The following CLASP1 variants were observed in gnomAD, a reference collection of about 807,000 sequenced individuals.
CLASP1 encodes the protein CLIP-associating protein 1.
In CLASP1, 38 loss-of-function variants were observed where a neutral mutation model predicts 192.3. That is an observed-to-expected ratio of 0.20 (90% CI 0.15 to 0.26). The LOEUF (loss-of-function observed/expected upper bound fraction) is 0.26. Ranked by LOEUF, CLASP1 falls within the 10% of genes least tolerant of loss-of-function variation. The pLI, the probability that CLASP1 is intolerant of heterozygous loss-of-function variation, is 1.00. For missense variants in CLASP1, 1,433 were observed against 1,932.5 expected (o/e 0.74, Z 4.85); for synonymous variants, 691 against 712.8 (o/e 0.97, Z 0.49).
intron 30 of CLASP1, among the ~76,000 whole-genome samples, chr2:121,394,099 AC>A (rs2074860147): frequency 6.6e-6 from 1 of 152,166 alleles, no homozygotes; most frequent in Admixed American, 6.5e-5. Flanking sequence ...ATAACGTATT[AC>A]ACCCTATATA....
At position 121,623,148 on chromosome 2, in the gene CLASP1, A is replaced by G. The variant is rs186562481; in HGVS notation, c.-285-16968T>C. On this transcript the variant is annotated intron_variant, in intron 1 of 39. Coordinates refer to ENST00000263710, the Ensembl canonical transcript of CLASP1. ...TTAGGACAGCATTCTGTCTTTCATC[A>G]TTAAGTATGATATTAGCTGTAGGTT... Among the ~76,000 whole-genome samples the G allele has an allele frequency of 4.2e-3, 637 of 152,326 alleles. 3 individuals carry two copies. Among genetic ancestry groups the G allele is most frequent in the African/African-American group, 0.015 (618 of 41,578 alleles).
intron 8 of CLASP1, among the ~76,000 whole-genome samples, chr2:121,489,066 A>C (rs1198820135): frequency 6.6e-6 from 1 of 152,226 alleles, no homozygotes; most frequent in Non-Finnish European, 1.5e-5. Context: ...CTTAAGTCAA[A>C]TGCTACTTGT....
intron 1 of CLASP1, among the ~76,000 whole-genome samples, chr2:121,635,605 T>C (rs1231801128): frequency 6.6e-6 from 1 of 152,174 alleles, no homozygotes; most frequent in Non-Finnish European, 1.5e-5. Context: ...CAAGTAACAT[T>C]AGCCACTACC....
intron 2 of CLASP1, among the ~76,000 whole-genome samples, chr2:121,594,697 C>A (rs1444961089): frequency 6.6e-6 from 1 of 152,020 alleles, no homozygotes; most frequent in Non-Finnish European, 1.5e-5. Flanking sequence ...GGCCAGTAGT[C>A]CATCAATCTT....
chr2:121,578,257 G>GAAAC (rs2060740895), intron 2 of CLASP1, among the ~76,000 whole-genome samples: 2 of 151,196 alleles, frequency 1.3e-5, no homozygotes, highest in South Asian at 2.1e-4. Flanking sequence ...GAAAAACAAA[G>GAAAC]AAACAAAGAA....
At chr2:121,450,417 T>C (rs2085238436) in intron 16 of CLASP1, among the ~76,000 whole-genome samples, 1 of 152,020 alleles carries the variant, frequency 6.6e-6, no homozygotes, top group African/African-American at 2.4e-5. Context: ...ATGGCAAAAG[T>C]ACCTCACTTG....
chr2:121,442,119 G>A (rs1233320606), intron 19 of CLASP1, among the ~76,000 whole-genome samples: 5 of 152,018 alleles, frequency 3.3e-5, no homozygotes, highest in Non-Finnish European at 5.9e-5. Flanking sequence ...CTTATTTTGG[G>A]AAAAATATGA....
chr2:121,603,660 A>C (rs999956009), intron 2 of CLASP1, among the ~76,000 whole-genome samples: 1 of 152,246 alleles, frequency 6.6e-6, no homozygotes, highest in Non-Finnish European at 1.5e-5. Flanking sequence ...CACAACAGCA[A>C]AGAATCAACC....
At chr2:121,380,005 G>A (rs957092638) in intron 33 of CLASP1, among the ~76,000 whole-genome samples, 4 of 152,210 alleles carry the variant, frequency 2.6e-5, no homozygotes, top group Non-Finnish European at 5.9e-5. Context: ...TCACTAGCCT[G>A]GGGTTTGAAG....
At chr2:121,614,648 G>A (rs191509002) in intron 1 of CLASP1, among the ~76,000 whole-genome samples, 115 of 152,228 alleles carry the variant, frequency 7.6e-4, no homozygotes, top group African/African-American at 2.5e-3. Flanking sequence ...TGGATGGAGC[G>A]AATATATTCA....
At chr2:121,408,483 A>G (rs1217204328) in intron 24 of CLASP1, among the ~76,000 whole-genome samples, 1 of 152,238 alleles carries the variant, frequency 6.6e-6, no homozygotes, top group African/African-American at 2.4e-5. Flanking sequence ...AGCAGCAACT[A>G]TACAAAATTG....
Position 121,530,926 on chromosome 2 carries a change from T to C in CLASP1, c.196-601A>G, listed in dbSNP as rs767236617. The C allele has an allele frequency of 4.6e-5, 32 of 699,946 alleles. No homozygotes were observed. The highest frequency in any genetic ancestry group is 1.9e-4 in the South Asian group (13 of 67,496). 43.4% of individuals were successfully genotyped at this position (699,946 alleles called of 1,614,324 possible). A position where few individuals can be genotyped will look rare whatever the true frequency, so the allele number is the denominator to read the frequency against. On this transcript the variant is annotated intron_variant, in intron 2 of 39. Transcript: ENST00000263710. ...GCGCTACTGTCCAATGAGCGCATAG[T>C]GAGGGCAGTACTGCTAACGCCTGAA...
At chr2:121,384,055 T>C (rs1235924546) in intron 32 of CLASP1, among the ~76,000 whole-genome samples, 1 of 133,550 alleles carries the variant, frequency 7.5e-6, no homozygotes, top group Non-Finnish European at 1.7e-5. Context: ...TATACACACA[T>C]ATATGTATAT....
rs1219359231 is a variant in CLASP1 at position 121,387,211 on chromosome 2, C to T, written c.3285G>A (p.Thr1095=). The change falls in exon 32 of 40, where the codon ACG becomes ACA. Residue 1095 remains threonine (T), a synonymous_variant. Coordinates refer to ENST00000263710, the Ensembl canonical transcript of CLASP1. ...TGTGTCGGGAGGGCGTCCGGCCAATCGTATTGCTTGGAGAGCCCTGGGGTG... is the reference window on the plus strand; with the variant it reads ...TGTGTCGGGAGGGCGTCCGGCCAATTGTATTGCTTGGAGAGCCCTGGGGTG... The T allele has an allele frequency of 4.4e-6, 7 of 1,602,886 alleles. No homozygotes were observed. The East Asian group carries it at 6.7e-5, about 15-fold the overall frequency.
intron 2 of CLASP1, among the ~76,000 whole-genome samples, chr2:121,596,758 C>A (rs1576341672): frequency 6.6e-6 from 1 of 152,196 alleles, no homozygotes; most frequent in African/African-American, 2.4e-5. Context: ...CAAGGCCTCT[C>A]CAACTAAGCA....
At chr2:121,574,281 T>C (rs1191980745) in intron 2 of CLASP1, among the ~76,000 whole-genome samples, 2 of 151,202 alleles carry the variant, frequency 1.3e-5, no homozygotes, top group Admixed American at 6.6e-5. Context: ...TGAGCTGAGA[T>C]TGTGCCACTG....
At chr2:121,403,455 T>C (rs1342231755) in intron 26 of CLASP1, 2 of 456,728 alleles carry the variant, frequency 4.4e-6, no homozygotes, top group Non-Finnish European at 8.8e-6. Flanking sequence ...GATGACTAAC[T>C]GGCTGGGCTC....
chr2:121,505,822 T>C (rs2093929335), intron 7 of CLASP1, among the ~76,000 whole-genome samples: 1 of 152,256 alleles, frequency 6.6e-6, no homozygotes, highest in African/African-American at 2.4e-5. Flanking sequence ...TATTTTACTA[T>C]AAGATTTAGT....
intron 8 of CLASP1, among the ~76,000 whole-genome samples, chr2:121,477,652 C>T (rs1327560319): frequency 6.6e-6 from 1 of 152,148 alleles, no homozygotes; most frequent in Non-Finnish European, 1.5e-5. Context: ...CAATATTAAT[C>T]TAGTCAATTT....
Sources: allele counts gnomAD v4.1 joint callset (sites outside exome capture counted in the v4.1 genomes callset), GRCh38; gene constraint gnomAD v4.1.1; transcripts MANE v1.5; gene names NCBI Gene and HGNC (gene_info 2026-07-23, HGNC 2026-07-21).